CHM: variants seen among roughly 807,000 people sequenced by gnomAD.
CHM encodes the protein CHM Rab escort protein, also known as rab proteins geranylgeranyltransferase component A 1.
In CHM, 10 loss-of-function variants were observed where a neutral mutation model predicts 49.0. That is an observed-to-expected ratio of 0.20 (90% CI 0.13 to 0.35). The LOEUF is 0.35. Ranked by LOEUF, CHM falls within the 10% of genes least tolerant of loss-of-function variation. The pLI is 1.00. For synonymous variants in CHM, 184 were observed against 167.5 expected (o/e 1.10, Z -0.76); for missense variants, 455 against 478.4 (o/e 0.95, Z 0.46).
intron 4 of CHM, among the ~76,000 whole-genome samples, chrX:85,977,633 C>T (rs1472436115): frequency 8.9e-6 from 1 of 111,978 alleles, no homozygotes; most frequent in African/African-American, 3.2e-5. Context: ...AGAAAGTTAC[C>T]AAATATTTAT....
At chrX:85,893,581 T>C (rs1288386743) in intron 12 of CHM, among the ~76,000 whole-genome samples, 2 of 111,267 alleles carry the variant, frequency 1.8e-5, no homozygotes, top group East Asian at 5.7e-4. Context: ...TATTAAGAGG[T>C]AGGGGCTTTG....
At chrX:86,003,870 T>C (rs997880064) in intron 2 of CHM, among the ~76,000 whole-genome samples, 32 of 111,825 alleles carry the variant, frequency 2.9e-4, no homozygotes, top group African/African-American at 9.8e-4. Flanking sequence ...TTCCCCAACC[T>C]AGAAAGACAG....
chrX:85,940,707 A>C (rs970919278), intron 8 of CHM, among the ~76,000 whole-genome samples: 2 of 111,783 alleles, frequency 1.8e-5, no homozygotes, highest in Admixed American at 1.9e-4. Context: ...TAGTATCTCA[A>C]ACATATACGC....
chrX:85,901,130 C>T lies in CHM; in HGVS notation c.1303G>A (p.Glu435Lys). 1 of 1,204,722 alleles carries T rather than the reference C, an allele frequency of 8.3e-7. No individual in the cohort carries two copies. Among genetic ancestry groups the T allele is most frequent in the Non-Finnish European group, 1.1e-6 (1 of 891,492 alleles). Residue 435 changes from glutamate (E) to lysine (K), a missense_variant, in exon 10 of 15, where the codon GAG (glutamate) becomes AAG (lysine). Coordinates refer to ENST00000357749, the MANE Select transcript of CHM (RefSeq NM_000390.4). Reference protein sequence around the residue: ...QRIISEHFLVEDSYFPENMCS... With the variant: ...QRIISEHFLVKDSYFPENMCS... The stretch of plus-strand genomic sequence containing the variant: ...ATGTTCTCAGGAAAGTAACTGTCCT[C>T]CACGAGGAAATGCTCAGAGATTATT...
intron 8 of CHM, among the ~76,000 whole-genome samples, chrX:85,933,531 C>A (rs1008403386): frequency 8.0e-5 from 9 of 112,095 alleles, no homozygotes; most frequent in Non-Finnish European, 1.5e-4. Context: ...ACTTTGCAGA[C>A]TTTTATAATA....
chrX:86,018,392 G>A (rs942429664), intron 2 of CHM, among the ~76,000 whole-genome samples: 1 of 112,138 alleles, frequency 8.9e-6, no homozygotes, highest in African/African-American at 3.2e-5. Flanking sequence ...ATCAAATTCT[G>A]GCAAAGATGC....
intron 12 of CHM, among the ~76,000 whole-genome samples, chrX:85,888,799 A>T (rs754361828): frequency 1.8e-5 from 2 of 112,416 alleles, no homozygotes; most frequent in Non-Finnish European, 3.8e-5. Context: ...ACTTCTACCA[A>T]GCATCACTGA....
intron 2 of CHM, among the ~76,000 whole-genome samples, chrX:85,998,960 ATATG>A (rs752498229): frequency 2.0e-4 from 22 of 111,631 alleles, no homozygotes; most frequent in Non-Finnish European, 3.6e-4. Context: ...TATGACAAGC[ATATG>A]TATATTTTTA....
intron 8 of CHM, among the ~76,000 whole-genome samples, chrX:85,950,206 GCA>G (rs56073420): frequency 0.23 from 22,490 of 98,682 alleles, 2,026 homozygotes; most frequent in Non-Finnish European, 0.25. Context: ...GAAAAGCATT[GCA>G]CACACACACA....
At chrX:85,999,119 G>A (rs1932583231) in intron 2 of CHM, among the ~76,000 whole-genome samples, 2 of 110,898 alleles carry the variant, frequency 1.8e-5, no homozygotes, top group African/African-American at 6.5e-5. Context: ...TCAGGCCAAA[G>A]AGAAATCTAG....
chrX:85,934,430 C>T (rs1332778373), intron 8 of CHM, among the ~76,000 whole-genome samples: 5 of 68,874 alleles, frequency 7.3e-5, no homozygotes, highest in African/African-American at 2.2e-4. Context: ...CCCCCCTCCC[C>T]CCACCCCATG....
chrX:85,996,551 G>A (rs1932449637), intron 2 of CHM, among the ~76,000 whole-genome samples: 1 of 111,755 alleles, frequency 8.9e-6, no homozygotes, highest in African/African-American at 3.3e-5. Flanking sequence ...AAGCCCAAGG[G>A]AAAAGTCAAG....
chrX:86,043,722 G>A (rs7880717), intron 1 of CHM, among the ~76,000 whole-genome samples: 200 of 108,668 alleles, frequency 1.8e-3, no homozygotes, highest in African/African-American at 6.4e-3. Context: ...CACTGCACCT[G>A]GCCAATGAAA....
At chrX:86,016,892 C>T (rs1378159593) in intron 2 of CHM, among the ~76,000 whole-genome samples, 3 of 112,183 alleles carry the variant, frequency 2.7e-5, no homozygotes, top group Non-Finnish European at 3.8e-5. Context: ...ATAAAAGCAG[C>T]CAGGAGGGAG....
chrX:85,904,325 C>T (rs922641771), intron 9 of CHM, among the ~76,000 whole-genome samples: 56 of 111,331 alleles, frequency 5.0e-4, no homozygotes, highest in African/African-American at 1.7e-3. Context: ...ACACTCAAGC[C>T]AGACAGAACA....
At chrX:86,036,902 G>C (rs1213693684) in intron 1 of CHM, among the ~76,000 whole-genome samples, 2 of 110,940 alleles carry the variant, frequency 1.8e-5, no homozygotes, top group Non-Finnish European at 3.8e-5. Flanking sequence ...TGGGAGTCTG[G>C]TATGTGGAGG....
intron 9 of CHM, among the ~76,000 whole-genome samples, chrX:85,906,675 T>A (rs769292397): frequency 2.6e-4 from 29 of 111,861 alleles, no homozygotes; most frequent in Non-Finnish European, 4.7e-4. Context: ...CCATAACAAC[T>A]AGCACGGGGG....
Position 85,956,163 on chromosome X carries a change from A to C in CHM, c.1156T>G (p.Cys386Gly). ...CAATGGCAAACTTACCTGCAGAAAC[A>C]CTGGGGGAGTTCTCCTTGGCCATAT... ...PLYGQGELPQCFCRMCAVFGG... is the reference protein window; with the variant it reads ...PLYGQGELPQGFCRMCAVFGG... The change falls in exon 8 of 15, where the codon TGT (cysteine) becomes GGT (glycine). Residue 386 changes from cysteine to glycine, a missense_variant. Cys to Gly is a radical substitution (Grantham distance 159). Transcript: ENST00000357749. 8.3e-7 allele frequency: 1 copy of C among 1,209,106 alleles called. No individual in the cohort carries two copies. Among genetic ancestry groups the C allele is most frequent in the Non-Finnish European group, 1.1e-6 (1 of 893,240 alleles).
Position 85,873,135 on chromosome X carries a change from T to G in CHM, c.1687A>C (p.Ser563Arg). ...NMRDSSDISR[S>R]CYNDLPSNVY... ...TTGGATGGTAAATCATTATAACAGCTCCTGCTGATGTCTGACGAATCTCTC... is the reference window on the plus strand; with the variant it reads ...TTGGATGGTAAATCATTATAACAGCGCCTGCTGATGTCTGACGAATCTCTC... Residue 563 changes from serine (S) to arginine (R), a missense_variant, in exon 14 of 15, where the codon AGC becomes CGC. By Grantham distance (110) the Ser-to-Arg change is moderately radical (BLOSUM62 -1). Transcript: ENST00000357749. 3.3e-6 allele frequency: 4 copies of G among 1,205,999 alleles called. No homozygotes were observed. Among genetic ancestry groups the G allele is most frequent in the Non-Finnish European group, 4.5e-6 (4 of 890,985 alleles).
Sources: gnomAD v4.1 joint callset for allele counts (sites outside exome capture counted in the v4.1 genomes callset) on GRCh38, gnomAD v4.1.1 for gene constraint, MANE v1.5 for transcripts, NCBI Gene and HGNC (gene_info 2026-07-23, HGNC 2026-07-21) for gene names.